The following NOL4L variants were observed in gnomAD, a reference collection of about 807,000 sequenced individuals.
The protein encoded by NOL4L is nucleolar protein 4 like.
NOL4L carries 7 observed loss-of-function variants against 64.5 expected under a neutral mutation model. The ratio of observed to expected loss-of-function variants is 0.11; its 90% CI spans 0.06 to 0.20. The LOEUF (loss-of-function observed/expected upper bound fraction) is 0.20. Among genes scored for constraint, NOL4L ranks in the 10% least tolerant of loss-of-function variants. NOL4L has a pLI of 1.00. For missense variants in NOL4L, 680 were observed against 967.1 expected, an observed-to-expected ratio of 0.70 and a Z score of 3.94; for synonymous variants, 413 against 401.0, an observed-to-expected ratio of 1.03 and a Z score of -0.36.
chr20:32,503,088 C>T (rs1183854847), intron 4 of NOL4L, among the ~76,000 whole-genome samples: 2 of 152,192 alleles, frequency 1.3e-5, no homozygotes, highest in Non-Finnish European at 2.9e-5. Context: ...TGTCCTCTCA[C>T]AGCAGAAATG....
chr20:32,457,380 C>T (rs1360387571), intron 5 of NOL4L, among the ~76,000 whole-genome samples: 2 of 152,210 alleles, frequency 1.3e-5, no homozygotes, highest in East Asian at 3.9e-4. Flanking sequence ...GGCTCCACAC[C>T]TGCACCCAGA....
At chr20:32,490,095 C>T (rs2016395153) in intron 4 of NOL4L, among the ~76,000 whole-genome samples, 1 of 140,440 alleles carries the variant, frequency 7.1e-6, no homozygotes, top group South Asian at 2.2e-4. Flanking sequence ...TGCCACTGCA[C>T]TCCAGCCTGG....
intron 1 of NOL4L, chr20:32,536,454 G>C (rs2018527434): frequency 3.5e-6 from 1 of 281,776 alleles, no homozygotes; most frequent in Admixed American, 6.6e-5. Flanking sequence ...CGAGCTGGCC[G>C]CGCGCGCCGC....
chr20:32,464,983 TCA>T lies in NOL4L; in HGVS notation c.842-8590_842-8589del. On this transcript the variant is annotated intron_variant, in intron 5 of 10. Transcript: ENST00000621426. This position sits in a 1 kb window ranked among gnomAD's most constrained non-coding sequence, Gnocchi z 5.6. ...CCGTCCTTGGCTAATGAATTAGACG[TCA>T]CACACCTAGATCTTCCCCTAAAACT... The T allele has an allele frequency of 1.7e-6, 1 of 582,934 alleles. No individual in the cohort carries two copies. Among genetic ancestry groups the T allele is most frequent in the Non-Finnish European group, 3.1e-6 (1 of 321,796 alleles). 36.1% of individuals were successfully genotyped at this position (582,934 alleles called of 1,614,324 possible). A position where few individuals can be genotyped will look rare whatever the true frequency, so the allele number is the denominator to read the frequency against.
intron 4 of NOL4L, among the ~76,000 whole-genome samples, chr20:32,505,671 G>A (rs1262183991): frequency 1.3e-5 from 2 of 152,196 alleles, no homozygotes; most frequent in Non-Finnish European, 2.9e-5. Flanking sequence ...AACTGTGATC[G>A]TGTCACTGCA....
At chr20:32,512,117 GC>G (rs2017434701) in intron 3 of NOL4L, among the ~76,000 whole-genome samples, 1 of 152,138 alleles carries the variant, frequency 6.6e-6, no homozygotes, top group Admixed American at 6.5e-5. Flanking sequence ...GCCACATGGG[GC>G]CCCCACTCCC....
Position 32,447,237 on chromosome 20 carries a change from A to C in NOL4L, c.*359T>G. ...AAATATGCAATTCTGCTCACCTAAG[A>C]CTTGAAAGGTAATTATCTGGGGGTG... On this transcript the variant is annotated 3_prime_UTR_variant, in exon 11 of 11. Transcript: ENST00000621426. The C allele has an allele frequency of 2.0e-6, 1 of 507,358 alleles. No homozygotes were observed. The highest frequency in any genetic ancestry group is 3.8e-6 in the Non-Finnish European group (1 of 261,186). 31.4% of individuals were successfully genotyped at this position (507,358 alleles called of 1,614,324 possible). A position where few individuals can be genotyped will look rare whatever the true frequency, so the allele number is the denominator to read the frequency against.
At position 32,453,605 on chromosome 20, in the gene NOL4L, T is replaced by C; in HGVS notation, c.1276A>G (p.Met426Val). The C allele has an allele frequency of 1.2e-6, 2 of 1,613,890 alleles. No individual in the cohort carries two copies. Among genetic ancestry groups the C allele is most frequent in the Non-Finnish European group, 1.7e-6 (2 of 1,179,852 alleles). The part of the protein sequence containing the change: ...DNDKMNDSEG[M>V]DPERLKAFNM... ...AAGGCCTTAAGACGCTCAGGGTCCATGCCTTCAGAGTCGTTCATCTTGTCA... is the reference window on the plus strand; with the variant it reads ...AAGGCCTTAAGACGCTCAGGGTCCACGCCTTCAGAGTCGTTCATCTTGTCA... The change falls in exon 7 of 11, where the codon ATG becomes GTG. Residue 426 changes from methionine to valine, a missense_variant. Physicochemically the swap from Met to Val is conservative, Grantham distance 21 (BLOSUM62 1). This residue lies in a region of NOL4L where 70 missense variants were observed against 166.1 expected (regional missense o/e 0.42). Coordinates refer to ENST00000621426, the MANE Select transcript of NOL4L (RefSeq NM_001256798.2). This position sits in a 1 kb window ranked among gnomAD's most constrained non-coding sequence, Gnocchi z 5.6.
intron 1 of NOL4L, among the ~76,000 whole-genome samples, chr20:32,566,310 G>A (rs1460765160): frequency 2.0e-5 from 3 of 152,144 alleles, no homozygotes; most frequent in Non-Finnish European, 4.4e-5. Context: ...TCAGGGTGAG[G>A]AGCTGGATGA....
intron 1 of NOL4L, among the ~76,000 whole-genome samples, chr20:32,549,510 T>G (rs1214881019): frequency 6.6e-6 from 1 of 152,170 alleles, no homozygotes; most frequent in Non-Finnish European, 1.5e-5. Flanking sequence ...CCTAGCACTT[T>G]GAGAGGCCGA....
intron 5 of NOL4L, among the ~76,000 whole-genome samples, chr20:32,468,424 T>A (rs2014731639): frequency 6.6e-6 from 1 of 152,110 alleles, no homozygotes; most frequent in South Asian, 2.1e-4. Flanking sequence ...TCTGCCCAGC[T>A]TCCCAGGCCA....
At chr20:32,473,249 T>G (rs2015146290) in intron 5 of NOL4L, among the ~76,000 whole-genome samples, 1 of 152,236 alleles carries the variant, frequency 6.6e-6, no homozygotes, top group South Asian at 2.1e-4. Flanking sequence ...AGCTGGGCTC[T>G]GCAGGCACCG....
rs1483115390 is a variant in NOL4L, at chr20:32,558,941, C to T, written c.321+25629G>A. Among the ~76,000 whole-genome samples, 3 of 152,158 alleles carry T rather than the reference C, an allele frequency of 2.0e-5. No homozygotes were observed. In the East Asian group the frequency reaches 5.8e-4, roughly 29 times the overall value. Reference sequence around the variant, plus strand: ...GCGGAGGGGCCGCCGAGAACCAGTGCAAGGGAAGGTGAGCCGATTGCAGAT... The same window carrying T: ...GCGGAGGGGCCGCCGAGAACCAGTGTAAGGGAAGGTGAGCCGATTGCAGAT... On this transcript the variant is annotated intron_variant, in intron 1 of 10. Coordinates refer to ENST00000621426, the MANE Select transcript of NOL4L (RefSeq NM_001256798.2).
chr20:32,576,042 C>T (rs1246972286), intron 1 of NOL4L, among the ~76,000 whole-genome samples: 4 of 152,130 alleles, frequency 2.6e-5, no homozygotes, highest in African/African-American at 4.8e-5. Context: ...ATGAACGAGG[C>T]GAGAGGGAAT....
At chr20:32,459,213 T>G (rs1241109917) in intron 5 of NOL4L, among the ~76,000 whole-genome samples, 1 of 152,034 alleles carries the variant, frequency 6.6e-6, no homozygotes, top group African/African-American at 2.4e-5. Flanking sequence ...GTAAACAGAT[T>G]TTAAAATATT....
chr20:32,564,276 T>C (rs945283329), intron 1 of NOL4L, among the ~76,000 whole-genome samples: 4 of 152,310 alleles, frequency 2.6e-5, no homozygotes, highest in Non-Finnish European at 4.4e-5. Flanking sequence ...GAGCTAACGA[T>C]TGAAAAAGCG....
At chr20:32,552,382 T>C (rs1978357514) in intron 1 of NOL4L, among the ~76,000 whole-genome samples, 2 of 152,162 alleles carry the variant, frequency 1.3e-5, no homozygotes, top group African/African-American at 2.4e-5. Flanking sequence ...GATTAATTTT[T>C]TTTTTTTTAA....
chr20:32,454,378 C>T (rs915460613), intron 6 of NOL4L, among the ~76,000 whole-genome samples: 1 of 152,234 alleles, frequency 6.6e-6, no homozygotes, highest in Non-Finnish European at 1.5e-5. Context: ...CAGGACAGCA[C>T]AGTGGCCCCT....
intron 1 of NOL4L, among the ~76,000 whole-genome samples, chr20:32,570,829 A>T (rs1416746377): frequency 6.6e-6 from 1 of 152,224 alleles, no homozygotes; most frequent in Non-Finnish European, 1.5e-5. Context: ...CAATAATGAT[A>T]ACAACAGCAG....
Sources: allele counts gnomAD v4.1 joint callset (sites outside exome capture counted in the v4.1 genomes callset), GRCh38; gene constraint gnomAD v4.1.1; regional missense constraint gnomAD v4.1.1; non-coding constraint Gnocchi (gnomAD v3.1); transcripts MANE v1.5; gene names NCBI Gene and HGNC (gene_info 2026-07-23, HGNC 2026-07-21).